Variants in GJB7 observed in about 807,000 individuals in gnomAD.
The protein encoded by GJB7 is gap junction protein beta 7.
For missense variants in GJB7, 253 were observed against 256.8 expected, an observed-to-expected ratio of 0.99 and a Z score of 0.10; for synonymous variants, 87 against 95.2, an observed-to-expected ratio of 0.91 and a Z score of 0.50.
At position 87,284,265 on chromosome 6, in the gene GJB7, T is replaced by C. The variant is rs1776018109; in HGVS notation, c.648A>G (p.Lys216=). 3.1e-6 allele frequency: 5 copies of C among 1,613,608 alleles called. No homozygotes were observed. Among genetic ancestry groups the C allele is most frequent in the Non-Finnish European group, 4.2e-6 (5 of 1,179,806 alleles). Residue 216 remains lysine, a synonymous_variant, in exon 3 of 3, where the codon AAA becomes AAG. Coordinates refer to ENST00000525899, the MANE Select transcript of GJB7 (RefSeq NM_198568.3). The stretch of plus-strand genomic sequence containing the variant: ...CTCACACACTGAGGACTTGAGGTTT[T>C]TTTAAATATTTTTGGAGACAGCACT... ...FIKCCLQKYL[K]KPQVLSV is the part of the protein sequence containing the mutation.
chr6:87,288,293 A>G (rs994179151), intron 2 of GJB7, among the ~76,000 whole-genome samples: 8 of 152,108 alleles, frequency 5.3e-5, no homozygotes, highest in Non-Finnish European at 1.5e-5. Context: ...CCTAATAAAC[A>G]CTATGAAATC....
chr6:87,293,446 TTTTG>T (rs949463763), intron 2 of GJB7, among the ~76,000 whole-genome samples: 1 of 151,978 alleles, frequency 6.6e-6, no homozygotes. Flanking sequence ...TGGGTTTTTG[TTTTG>T]TTTTTGTTTT....
At chr6:87,299,473 G>T in intron 2 of GJB7, 1 of 429,940 alleles carries the variant, frequency 2.3e-6, no homozygotes, top group Middle Eastern at 5.0e-4. Context: ...ATTCCAGGAT[G>T]CCTATGTTGT....
chr6:87,304,145 A>T (rs1251152594), intron 2 of GJB7, among the ~76,000 whole-genome samples: 3 of 152,224 alleles, frequency 2.0e-5, no homozygotes, highest in Non-Finnish European at 2.9e-5. Context: ...CACATTCAAA[A>T]GCTAGCAGAA....
At chr6:87,324,587 T>C (rs1776768346) in intron 1 of GJB7, among the ~76,000 whole-genome samples, 1 of 151,194 alleles carries the variant, frequency 6.6e-6, no homozygotes, top group Admixed American at 6.6e-5. Flanking sequence ...TGTAGATATG[T>C]GGCGTTATTT....
intron 1 of GJB7, among the ~76,000 whole-genome samples, chr6:87,324,647 GTAC>G: frequency 8.3e-6 from 1 of 120,992 alleles, no homozygotes; most frequent in Non-Finnish European, 2.0e-5. Flanking sequence ...TTTGGTACCA[GTAC>G]CATGCTGTTT....
At chr6:87,304,047 G>C (rs948836385) in intron 2 of GJB7, among the ~76,000 whole-genome samples, 2 of 152,134 alleles carry the variant, frequency 1.3e-5, no homozygotes, top group African/African-American at 4.8e-5. Context: ...GAAATTTATA[G>C]CACTAAATGC....
At chr6:87,308,895 G>GACTTTT (rs1562214332) in intron 2 of GJB7, among the ~76,000 whole-genome samples, 1 of 152,158 alleles carries the variant, frequency 6.6e-6, no homozygotes, top group Non-Finnish European at 1.5e-5. Context: ...ATGACGTGCT[G>GACTTTT]AAAGAAAAGA....
chr6:87,311,758 T>A (rs1272023794), intron 2 of GJB7, among the ~76,000 whole-genome samples: 1 of 152,220 alleles, frequency 6.6e-6, no homozygotes, highest in African/African-American at 2.4e-5. Flanking sequence ...ACAAACAGTA[T>A]AGTACTTTAT....
At chr6:87,303,900 C>A (rs910198058) in intron 2 of GJB7, among the ~76,000 whole-genome samples, 1 of 152,206 alleles carries the variant, frequency 6.6e-6, no homozygotes, top group South Asian at 2.1e-4. Context: ...TACATGGAAA[C>A]TGAACAACCT....
chr6:87,285,022 A>G, intron 2 of GJB7, 83 bp from the exon 3 acceptor site: 1 of 883,338 alleles, frequency 1.1e-6, no homozygotes, highest in Non-Finnish European at 1.7e-6. Flanking sequence ...TATGTAAGAT[A>G]AATTACAATT....
At chr6:87,321,352 A>G (rs1461082061) in intron 2 of GJB7, among the ~76,000 whole-genome samples, 1 of 152,110 alleles carries the variant, frequency 6.6e-6, no homozygotes, top group Non-Finnish European at 1.5e-5. Context: ...TTGGGGTAAC[A>G]TATTTTTATT....
At chr6:87,289,211 G>A (rs562420395) in intron 2 of GJB7, among the ~76,000 whole-genome samples, 55 of 152,260 alleles carry the variant, frequency 3.6e-4, no homozygotes, top group Admixed American at 6.5e-4. Flanking sequence ...CTGAATCAGA[G>A]TGGCTTTCCC....
intron 2 of GJB7, among the ~76,000 whole-genome samples, chr6:87,308,183 A>C (rs544143893): frequency 6.7e-6 from 1 of 148,472 alleles, no homozygotes; most frequent in African/African-American, 2.5e-5. Context: ...CAATGAGAAC[A>C]CTTGGACACA....
At chr6:87,327,213 C>A (rs1183770266) in intron 1 of GJB7, among the ~76,000 whole-genome samples, 1 of 147,762 alleles carries the variant, frequency 6.8e-6, no homozygotes, top group Non-Finnish European at 1.5e-5. Flanking sequence ...GGTCTTGACT[C>A]TTTATCCAAT....
At chr6:87,327,302 C>T (rs1776851058) in intron 1 of GJB7, among the ~76,000 whole-genome samples, 1 of 150,586 alleles carries the variant, frequency 6.6e-6, no homozygotes, top group African/African-American at 2.5e-5. Flanking sequence ...GAATTTGATC[C>T]TGTCATTATG....
Position 87,325,161 on chromosome 6 carries a change from G to T in GJB7, c.-205-2118C>A, listed in dbSNP as rs558701557. On this transcript the variant is annotated intron_variant, in intron 1 of 2. Coordinates refer to ENST00000525899, the MANE Select transcript of GJB7 (RefSeq NM_198568.3). ...AAGTTGCTTATCAGCTTAAGGAGAT[G>T]TTGGGCTGAGACAATGGGGTTTTCT... 5.9e-5 allele frequency among the ~76,000 whole-genome samples: 9 copies of T among 152,274 alleles called. No individual in the cohort carries two copies. In the East Asian group the frequency reaches 1.2e-3, roughly 20 times the overall value.
intron 2 of GJB7, among the ~76,000 whole-genome samples, chr6:87,294,827 T>C (rs568212170): frequency 6.6e-6 from 1 of 152,350 alleles, no homozygotes; most frequent in African/African-American, 2.4e-5. Context: ...TCATTTCTAA[T>C]TCCAGGTTTG....
chr6:87,296,521 T>G (rs1776251338), intron 2 of GJB7, among the ~76,000 whole-genome samples: 1 of 152,212 alleles, frequency 6.6e-6, no homozygotes. Context: ...CTTCATTATG[T>G]CCTCAGGAAT....
Sources: gnomAD v4.1 joint callset for allele counts (sites outside exome capture counted in the v4.1 genomes callset) on GRCh38, gnomAD v4.1.1 for gene constraint, MANE v1.5 for transcripts, NCBI Gene and HGNC (gene_info 2026-07-23, HGNC 2026-07-21) for gene names.